Variants in SLCO5A1 observed in about 807,000 individuals in gnomAD.
The protein encoded by SLCO5A1 is organic anion transporter polypeptide-related protein 4.
In SLCO5A1, 39 loss-of-function variants were observed where a neutral mutation model predicts 65.1. That is an observed-to-expected ratio of 0.60 (90% CI 0.46 to 0.78). The LOEUF is 0.78. SLCO5A1 is among the 30% of genes least tolerant of loss of function. SLCO5A1 has a pLI of 0.00. For synonymous variants in SLCO5A1, 438 were observed against 415.7 expected, an observed-to-expected ratio of 1.05 and a Z score of -0.65; for missense variants, 1,029 against 1,069.4, an observed-to-expected ratio of 0.96 and a Z score of 0.53.
intron 4 of SLCO5A1, among the ~76,000 whole-genome samples, chr8:69,747,093 C>G (rs979146360): frequency 1.3e-5 from 2 of 152,194 alleles, no homozygotes; most frequent in Non-Finnish European, 2.9e-5. Context: ...AGGCTGTGGC[C>G]TAGACTCTGG....
chr8:69,815,210 GTTAA>G (rs1473148794), intron 2 of SLCO5A1, among the ~76,000 whole-genome samples: 6 of 152,160 alleles, frequency 3.9e-5, no homozygotes, highest in Admixed American at 1.3e-4. Context: ...ATTAGCCTGA[GTTAA>G]TTAGTCTGCA....
chr8:69,762,178 CTTT>C (rs1817819210), intron 2 of SLCO5A1, among the ~76,000 whole-genome samples: 1 of 60,856 alleles, frequency 1.6e-5, no homozygotes, highest in African/African-American at 5.3e-5. Flanking sequence ...TTCTTTCTTT[CTTT>C]CTTTCTTTCT....
intron 5 of SLCO5A1, among the ~76,000 whole-genome samples, chr8:69,724,981 A>T (rs889166858): frequency 6.6e-6 from 1 of 152,142 alleles, no homozygotes; most frequent in Non-Finnish European, 1.5e-5. Context: ...CCTGTCATTT[A>T]TATGGAGGAT....
At chr8:69,676,263 A>C (rs1048556571) in intron 9 of SLCO5A1, among the ~76,000 whole-genome samples, 1 of 152,244 alleles carries the variant, frequency 6.6e-6, no homozygotes, top group South Asian at 2.1e-4. Flanking sequence ...TACTGCTTTC[A>C]TAGTAAAAAG....
chr8:69,728,880 C>T (rs1015149884), intron 5 of SLCO5A1, among the ~76,000 whole-genome samples: 15 of 151,846 alleles, frequency 9.9e-5, no homozygotes, highest in African/African-American at 3.1e-4. Context: ...AGAAAAAGTC[C>T]AGAAACAATG....
At chr8:69,697,555 G>A (rs190828089) in intron 6 of SLCO5A1, among the ~76,000 whole-genome samples, 2 of 152,088 alleles carry the variant, frequency 1.3e-5, no homozygotes. Flanking sequence ...AATCAAGAGT[G>A]GGGGGACAGC....
rs184923571 is a variant in SLCO5A1 at position 69,785,656 on chromosome 8, A to G, written c.908-23781T>C. Among the ~76,000 whole-genome samples, 157 of 152,354 alleles carry G rather than the reference A, an allele frequency of 1.0e-3. 1 individual carries two copies. The highest frequency in any genetic ancestry group is 1.8e-3 in the Non-Finnish European group (124 of 68,030). On this transcript the variant is annotated intron_variant, in intron 2 of 9. Transcript: ENST00000260126. ...AATGTACCCAAGTCACAAAACTAGT[A>G]AGCAGTAGATTCAAACCCAAGTCTG...
intron 2 of SLCO5A1, among the ~76,000 whole-genome samples, chr8:69,777,357 T>C (rs1405231095): frequency 6.6e-6 from 1 of 151,828 alleles, no homozygotes; most frequent in Non-Finnish European, 1.5e-5. Flanking sequence ...AACTATCCCA[T>C]AGTAATAAGA....
At chr8:69,782,766 G>A (rs1380168110) in intron 2 of SLCO5A1, among the ~76,000 whole-genome samples, 1 of 152,044 alleles carries the variant, frequency 6.6e-6, no homozygotes, top group African/African-American at 2.4e-5. Context: ...GTCGTCTACA[G>A]TCTACTCTTA....
At chr8:69,714,319 C>A (rs1815413755) in intron 5 of SLCO5A1, among the ~76,000 whole-genome samples, 1 of 152,200 alleles carries the variant, frequency 6.6e-6, no homozygotes, top group Non-Finnish European at 1.5e-5. Context: ...GGAGGGGTAG[C>A]AAATCCCTAT....
intron 2 of SLCO5A1, among the ~76,000 whole-genome samples, chr8:69,811,075 C>T (rs569714342): frequency 2.6e-4 from 39 of 152,240 alleles, no homozygotes; most frequent in African/African-American, 8.4e-4. Context: ...CATGAGCCAA[C>T]GTCTCAGCAG....
Position 69,670,088 on chromosome 8 carries a change from C to T in SLCO5A1, c.*2781G>A, listed in dbSNP as rs1369976487. The stretch of plus-strand genomic sequence containing the variant: ...AATGCGCTCCAACCACCCATCTTAC[C>T]TCCTGGGAGTTTCTAAATTAATAGG... On this transcript the variant is annotated 3_prime_UTR_variant, in exon 10 of 10. Transcript: ENST00000260126. 2 of 152,124 alleles carry T rather than the reference C, an allele frequency of 1.3e-5. No homozygotes were observed. The highest frequency in any genetic ancestry group is 2.1e-4 in the South Asian group (1 of 4,830). 9.4% of individuals were successfully genotyped at this position (152,124 alleles called of 1,614,324 possible).
intron 5 of SLCO5A1, among the ~76,000 whole-genome samples, chr8:69,714,670 C>A (rs1191184417): frequency 1.3e-5 from 2 of 152,196 alleles, no homozygotes; most frequent in African/African-American, 2.4e-5. Flanking sequence ...GAATTTCTAG[C>A]GTAGCCTTGC....
intron 2 of SLCO5A1, among the ~76,000 whole-genome samples, chr8:69,822,000 C>T (rs555405917): frequency 4.2e-3 from 642 of 151,776 alleles, no homozygotes; most frequent in African/African-American, 0.014. Flanking sequence ...GTGGCAGGTG[C>T]CTGTAATCCC....
chr8:69,779,144 T>C (rs934615653), intron 2 of SLCO5A1, among the ~76,000 whole-genome samples: 2 of 152,192 alleles, frequency 1.3e-5, no homozygotes, highest in African/African-American at 4.8e-5. Context: ...TGCCGGCCCT[T>C]ATAATAAACC....
At chr8:69,757,730 T>C (rs964671989) in intron 3 of SLCO5A1, among the ~76,000 whole-genome samples, 19 of 152,100 alleles carry the variant, frequency 1.2e-4, no homozygotes, top group Non-Finnish European at 1.5e-4. Flanking sequence ...AGAACATAGC[T>C]ATGATAATGC....
chr8:69,715,580 A>T (rs2933039), intron 5 of SLCO5A1, among the ~76,000 whole-genome samples: 26 of 151,968 alleles, frequency 1.7e-4, no homozygotes, highest in African/African-American at 6.0e-4. Flanking sequence ...CCCTTCCCCT[A>T]GGAGAAGTAA....
At chr8:69,712,237 C>A (rs1331907711) in intron 5 of SLCO5A1, among the ~76,000 whole-genome samples, 1 of 152,144 alleles carries the variant, frequency 6.6e-6, no homozygotes, top group African/African-American at 2.4e-5. Flanking sequence ...AGTCATTTAT[C>A]CAAGCAAATA....
At chr8:69,792,740 T>C (rs1403058729) in intron 2 of SLCO5A1, among the ~76,000 whole-genome samples, 1 of 151,952 alleles carries the variant, frequency 6.6e-6, no homozygotes, top group Non-Finnish European at 1.5e-5. Flanking sequence ...CAACAATAGG[T>C]GGCCTAGGGA....
Sources: gnomAD v4.1 joint callset for allele counts (sites outside exome capture counted in the v4.1 genomes callset) on GRCh38, gnomAD v4.1.1 for gene constraint, MANE v1.5 for transcripts, NCBI Gene and HGNC (gene_info 2026-07-23, HGNC 2026-07-21) for gene names.